The following ZFP69 variants were observed in gnomAD, a reference collection of about 807,000 sequenced individuals.
The protein encoded by ZFP69 is zinc finger protein 69 homolog.
A neutral mutation model predicts 48.9 loss-of-function variants in ZFP69; 35 were observed. The ratio of observed to expected loss-of-function variants is 0.72; its 90% CI spans 0.55 to 0.95. ZFP69 has a LOEUF of 0.95. ZFP69 is among the 40% of genes least tolerant of loss of function. The pLI is 0.00. For synonymous variants in ZFP69, 193 were observed against 216.8 expected (o/e 0.89, Z 0.96); for missense variants, 557 against 638.4 (o/e 0.87, Z 1.37).
intron 3 of ZFP69, 149 bp downstream of exon 3, chr1:40,482,003 T>A (rs893466631): frequency 2.1e-6 from 1 of 470,154 alleles, no homozygotes; most frequent in African/African-American, 2.0e-5. Context: ...AAGTTGTCCT[T>A]TTACAGAAAA....
chr1:40,480,498 A>G (rs1009608802), intron 2 of ZFP69, among the ~76,000 whole-genome samples: 3 of 151,844 alleles, frequency 2.0e-5, no homozygotes, highest in Non-Finnish European at 2.9e-5. Context: ...ACCTAAGCCC[A>G]TATACAGAAT....
chr1:40,489,716 A>G (rs1389091931), intron 5 of ZFP69, 92 bp downstream of exon 5: 1 of 882,832 alleles, frequency 1.1e-6, no homozygotes, highest in Non-Finnish European at 1.7e-6. Flanking sequence ...TAATTGGCTA[A>G]TGATTCTGCA....
chr1:40,488,170 TAC>T (rs35093961), intron 3 of ZFP69, among the ~76,000 whole-genome samples: 29,084 of 147,536 alleles, frequency 0.2, 3,589 homozygotes, highest in East Asian at 0.43. Flanking sequence ...TTTGTATGTA[TAC>T]ACACACACAC....
chr1:40,494,427 C>T (rs1486925066), intron 5 of ZFP69, among the ~76,000 whole-genome samples: 1 of 145,332 alleles, frequency 6.9e-6, no homozygotes, highest in South Asian at 2.1e-4. Flanking sequence ...CGCCACTACG[C>T]CCGGCTAATT....
At position 40,481,794 on chromosome 1, in the gene ZFP69, G is replaced by C; in HGVS notation, c.159G>C (p.Lys53Asn). 4 of 1,612,870 alleles carry C rather than the reference G, an allele frequency of 2.5e-6. No individual in the cohort carries two copies. Among genetic ancestry groups the C allele is most frequent in the South Asian group, 1.1e-5 (1 of 90,922 alleles). The change falls in exon 3 of 6, where the codon AAG becomes AAC. Residue 53 changes from lysine (K) to asparagine (N), a missense_variant. Transcript: ENST00000372706. ...TGTCTCAGGATGCTGAGGACGTAAA[G>C]ACCCAGAGAGAAAGTTTAGAGGATG... ...ALLSQDAEDV[K>N]TQRESLEDEV...
intron 3 of ZFP69, among the ~76,000 whole-genome samples, chr1:40,484,008 G>A (rs757762230): frequency 6.6e-6 from 1 of 152,014 alleles, no homozygotes; most frequent in Non-Finnish European, 1.5e-5. Context: ...CCCGGGAGGC[G>A]GAGGTTGCAT....
At chr1:40,491,180 A>G (rs1286045818) in intron 5 of ZFP69, 4 of 152,198 alleles carry the variant, frequency 2.6e-5, no homozygotes, top group African/African-American at 9.7e-5. Flanking sequence ...TTCTCATTCA[A>G]CACTGGTGAT....
chr1:40,483,888 C>T (rs114558487), intron 3 of ZFP69, among the ~76,000 whole-genome samples: 1,832 of 152,156 alleles, frequency 0.012, 23 homozygotes, highest in Non-Finnish European at 0.014. Context: ...ACCAGCCTGT[C>T]CAACATCGAG....
chr1:40,495,157 G>T lies in ZFP69; in HGVS notation c.679G>T (p.Gly227Trp), dbSNP rs1420346917. ...GAGAGTCCAAGAAACTAACAAATTT[G>T]GGGAAAATATCATTGTGCATTCAAA... Reference protein sequence around the residue: ...KKRVQETNKFGENIIVHSNVI... With the variant: ...KKRVQETNKFWENIIVHSNVI... Residue 227 changes from glycine to tryptophan, a missense_variant, in exon 6 of 6, where the codon GGG becomes TGG. Transcript: ENST00000372706. 6.2e-7 allele frequency: 1 copy of T among 1,614,004 alleles called. No homozygotes were observed. Among genetic ancestry groups the T allele is most frequent in the Non-Finnish European group, 8.5e-7 (1 of 1,179,994 alleles).
intron 3 of ZFP69, among the ~76,000 whole-genome samples, chr1:40,487,800 A>G (rs1452102400): frequency 1.3e-5 from 2 of 152,118 alleles, no homozygotes; most frequent in African/African-American, 4.8e-5. Flanking sequence ...TAATCCCAGC[A>G]CTTCAGGAGG....
At chr1:40,491,159 TC>T (rs1645564087) in intron 5 of ZFP69, 1 of 152,264 alleles carries the variant, frequency 6.6e-6, no homozygotes, top group South Asian at 2.1e-4. Flanking sequence ...ATATACTTCT[TC>T]CTTTTGCTTT....
At position 40,495,710 on chromosome 1, in the gene ZFP69, A is replaced by G. The variant is rs1485652858; in HGVS notation, c.1232A>G (p.Tyr411Cys). The G allele has an allele frequency of 1.3e-5, 21 of 1,614,100 alleles. No homozygotes were observed. Among genetic ancestry groups the G allele is most frequent in the Non-Finnish European group, 1.6e-5 (19 of 1,180,040 alleles). Reference protein sequence around the residue: ...HIRIHTGEKPYACTACCKTFS... With the variant: ...HIRIHTGEKPCACTACCKTFS... ...AGAATTCATACCGGGGAGAAGCCCT[A>G]TGCATGCACTGCATGTTGTAAAACC... Residue 411 changes from tyrosine to cysteine, a missense_variant, in exon 6 of 6, where the codon TAT (tyrosine) becomes TGT (cysteine). Physicochemically the swap from Tyr to Cys is radical, Grantham distance 194 (BLOSUM62 -2). Transcript: ENST00000372706.
chr1:40,480,087 C>G (rs973661951), intron 2 of ZFP69, among the ~76,000 whole-genome samples: 1 of 152,084 alleles, frequency 6.6e-6, no homozygotes, highest in Non-Finnish European at 1.5e-5. Flanking sequence ...ATTTATTGTT[C>G]TAGCTGTGTC....
chr1:40,482,095 A>G (rs1645448643), intron 3 of ZFP69, among the ~76,000 whole-genome samples: 1 of 151,232 alleles, frequency 6.6e-6, no homozygotes, highest in Non-Finnish European at 1.5e-5. Flanking sequence ...ATCTGAATCT[A>G]GTATGATGCT....
intron 5 of ZFP69, among the ~76,000 whole-genome samples, chr1:40,494,679 AT>A (rs1435794218): frequency 6.8e-6 from 1 of 146,510 alleles, no homozygotes; most frequent in Non-Finnish European, 1.5e-5. Context: ...ATTTATAAAT[AT>A]TTGGTATATA....
chr1:40,488,683 G>C (rs141825573), intron 3 of ZFP69, among the ~76,000 whole-genome samples: 1 of 152,182 alleles, frequency 6.6e-6, no homozygotes, highest in Non-Finnish European at 1.5e-5. Flanking sequence ...TCTTCTCTCA[G>C]ATTTCCATGT....
Position 40,495,317 on chromosome 1 carries a change from T to A in ZFP69, c.839T>A (p.Phe280Tyr), listed in dbSNP as rs368571091. The A allele has an allele frequency of 1.7e-5, 27 of 1,614,040 alleles. No homozygotes were observed. The African/African-American group carries it at 2.4e-4, about 14-fold the overall frequency. Residue 280 changes from phenylalanine (F) to tyrosine (Y), a missense_variant, in exon 6 of 6, where the codon TTC (phenylalanine) becomes TAC (tyrosine). Coordinates refer to ENST00000372706, the MANE Select transcript of ZFP69 (RefSeq NM_001320179.2). ...GAATGTAATATATGTGAAAAAATCT[T>A]CAAACAACCTATTCACCTTACTGAA... ...TYECNICEKI[F>Y]KQPIHLTEHM...
chr1:40,478,149 C>G (rs933825382), intron 1 of ZFP69, among the ~76,000 whole-genome samples: 2 of 151,600 alleles, frequency 1.3e-5, no homozygotes, highest in Non-Finnish European at 2.9e-5. Flanking sequence ...CACACACACA[C>G]GCCTATAAGT....
Position 40,495,546 on chromosome 1 carries a change from A to G in ZFP69, c.1068A>G (p.Val356=). 6.2e-7 allele frequency: 1 copy of G among 1,614,226 alleles called. No homozygotes were observed. The highest frequency in any genetic ancestry group is 8.5e-7 in the Non-Finnish European group (1 of 1,180,024). ...CTCACACTGGGGAGAAACCCTATGT[A>G]TGTGATAAATGTCAGAAAGCTTTCA... The part of the protein sequence containing the change: ...HRTHTGEKPY[V]CDKCQKAFSQ... The change falls in exon 6 of 6, where the codon GTA becomes GTG. Residue 356 remains valine, a synonymous_variant. Transcript: ENST00000372706.
Sources: gnomAD v4.1 joint callset for allele counts (sites outside exome capture counted in the v4.1 genomes callset) on GRCh38, gnomAD v4.1.1 for gene constraint, MANE v1.5 for transcripts, NCBI Gene and HGNC (gene_info 2026-07-23, HGNC 2026-07-21) for gene names.